Variants in MAEA observed in about 807,000 individuals in gnomAD.
The protein encoded by MAEA is E3 ubiquitin-protein transferase MAEA.
In MAEA, 22 loss-of-function variants were observed where a neutral mutation model predicts 46.2. The ratio of observed to expected loss-of-function variants is 0.48; its 90% confidence interval spans 0.34 to 0.68. The LOEUF is 0.68. MAEA is among the 30% of genes least tolerant of loss of function. MAEA has a pLI of 0.01. For synonymous variants in MAEA, 246 were observed against 222.6 expected, an observed-to-expected ratio of 1.11 and a Z score of -0.94; for missense variants, 393 against 558.1, an observed-to-expected ratio of 0.70 and a Z score of 2.98.
chr4:1,337,085 T>C, intron 7 of MAEA, 91 bp downstream of exon 7: 3 of 1,474,482 alleles, frequency 2.0e-6, no homozygotes, highest in Non-Finnish European at 2.8e-6. Flanking sequence ...TTGCCACTCT[T>C]GTCCTCCCAC....
chr4:1,304,730 C>T (rs971165769), intron 1 of MAEA, among the ~76,000 whole-genome samples: 5 of 152,296 alleles, frequency 3.3e-5, no homozygotes, highest in East Asian at 3.9e-4. Flanking sequence ...TGAACCACCA[C>T]GCCCGGCCCC....
chr4:1,328,436 A>G lies in MAEA; in HGVS notation c.656+733A>G, dbSNP rs764144640. On this transcript the variant is annotated intron_variant, in intron 5 of 8. Coordinates refer to ENST00000303400, the MANE Select transcript of MAEA (RefSeq NM_001017405.3). The stretch of plus-strand genomic sequence containing the variant: ...CGTCTCGGGGCAGGGCTGCTCCTTG[A>G]GTGCTAGGTCGTCTCACTCACTTTC... 1.3e-3 allele frequency among the ~76,000 whole-genome samples: 196 copies of G among 152,180 alleles called. 7 individuals carry two copies. Among genetic ancestry groups the G allele is most frequent in the Non-Finnish European group, 4.3e-4 (29 of 68,020 alleles).
chr4:1,297,544 G>A (rs1332479008), intron 1 of MAEA, among the ~76,000 whole-genome samples: 1 of 151,990 alleles, frequency 6.6e-6, no homozygotes, highest in South Asian at 2.1e-4. Context: ...ATTAGGATGT[G>A]GTTCCTTTTG....
chr4:1,305,284 C>T (rs562711177), intron 1 of MAEA, among the ~76,000 whole-genome samples: 27 of 152,166 alleles, frequency 1.8e-4, no homozygotes, highest in Admixed American at 4.6e-4. Flanking sequence ...TGTGGAAAGC[C>T]GCTGCACTAG....
Position 1,322,492 on chromosome 4 carries a change from C to T in MAEA, c.568C>T (p.Arg190Trp). 1.2e-6 allele frequency: 2 copies of T among 1,613,720 alleles called. No homozygotes were observed. Among genetic ancestry groups the T allele is most frequent in the African/African-American group, 1.3e-5 (1 of 75,042 alleles). Reference protein sequence around the residue: ...AWCHDNKSRLRKMKSCLEFSL... With the variant: ...AWCHDNKSRLWKMKSCLEFSL... ...GTGCCATGACAACAAGTCCCGGCTC[C>T]GGAAGATGAAGGTGCACGGACTCCC... is the stretch of plus-strand genomic sequence containing the variant. Residue 190 changes from arginine (R) to tryptophan (W), a missense_variant, in exon 4 of 9, where the codon CGG (arginine) becomes TGG (tryptophan). This residue lies in a region of MAEA where 358 missense variants were observed against 537.9 expected (regional missense o/e 0.67). Coordinates refer to ENST00000303400, the MANE Select transcript of MAEA (RefSeq NM_001017405.3).
At position 1,307,762 on chromosome 4, in the gene MAEA, G is replaced by GC. The variant is rs1309526923; in HGVS notation, c.70-4215dup. Reference sequence around the variant, plus strand: ...AGGCCAGAGACCCTGGAGTTCTGATGCCAAAGGGCAGGATCCCAGCTCCAG... The same window carrying GC: ...AGGCCAGAGACCCTGGAGTTCTGATGCCCAAAGGGCAGGATCCCAGCTCCAG... On this transcript the variant is annotated intron_variant, in intron 1 of 8. Transcript: ENST00000303400. Among the ~76,000 whole-genome samples, 5 of 152,308 alleles carry GC rather than the reference G, an allele frequency of 3.3e-5. No homozygotes were observed. In the South Asian group the frequency reaches 1.0e-3, roughly 32 times the overall value.
chr4:1,329,746 G>GT, intron 5 of MAEA: 1 of 985,720 alleles, frequency 1.0e-6, no homozygotes, highest in Non-Finnish European at 1.2e-6. Context: ...GGGTGAGGGA[G>GT]TGCGGGTGTT....
At chr4:1,338,304 C>A in intron 7 of MAEA, 118 bp from the exon 8 acceptor site, 1 of 761,880 alleles carries the variant, frequency 1.3e-6, no homozygotes, top group South Asian at 1.8e-5. Context: ...CCCGTGTAGT[C>A]AGCATGGCGC....
At position 1,328,723 on chromosome 4, in the gene MAEA, C is replaced by T. The variant is rs771078065; in HGVS notation, c.656+1020C>T. ...TGCTGAGGGTGGTCCCCAAGACGCA[C>T]GGCAGAACCGCGGCAAGTCCCTGCC... On this transcript the variant is annotated intron_variant, in intron 5 of 8. Transcript: ENST00000303400. 1.8e-5 allele frequency: 22 copies of T among 1,247,414 alleles called. No individual in the cohort carries two copies. In the Middle Eastern group the frequency reaches 1.3e-3, roughly 76 times the overall value. 77.3% of individuals were successfully genotyped at this position (1,247,414 alleles called of 1,614,324 possible). A position where few individuals can be genotyped will look rare whatever the true frequency, so the allele number is the denominator to read the frequency against.
At chr4:1,297,880 G>T in intron 1 of MAEA, 1 of 415,348 alleles carries the variant, frequency 2.4e-6, no homozygotes, top group Non-Finnish European at 5.0e-6. Flanking sequence ...AGCCTCTTGC[G>T]TTTCCTTTCT....
intron 1 of MAEA, among the ~76,000 whole-genome samples, chr4:1,291,086 C>T (rs1319990167): frequency 6.6e-6 from 1 of 152,182 alleles, no homozygotes; most frequent in East Asian, 1.9e-4. Flanking sequence ...CTGCTGAAGT[C>T]AGGCTGTACC....
chr4:1,309,517 GA>G (rs1736201189), intron 1 of MAEA: 16 of 1,357,466 alleles, frequency 1.2e-5, no homozygotes, highest in South Asian at 1.7e-5. Flanking sequence ...GCTGGAGGGA[GA>G]GGGGGTGCTG....
chr4:1,332,784 A>G lies in MAEA; in HGVS notation c.684A>G (p.Ala228=), dbSNP rs1230062094. Residue 228 remains alanine (A), a synonymous_variant, in exon 6 of 9, where the codon GCA becomes GCG. Transcript: ENST00000303400. ...VRHARKHFSQ[A]EGSQLDEVRQ... is the part of the protein sequence containing the mutation. ...ATGCAAGAAAGCACTTCAGCCAAGC[A>G]GAAGGGAGCCAGCTGGACGAGGTGC... 1.2e-6 allele frequency: 2 copies of G among 1,613,214 alleles called. No individual in the cohort carries two copies. The highest frequency in any genetic ancestry group is 2.7e-5 in the African/African-American group (2 of 75,030).
intron 1 of MAEA, among the ~76,000 whole-genome samples, chr4:1,305,587 C>A (rs1219348526): frequency 6.6e-6 from 1 of 152,138 alleles, no homozygotes; most frequent in Non-Finnish European, 1.5e-5. Flanking sequence ...CCAGAAGGAT[C>A]ATCAGAACTG....
At position 1,334,170 on chromosome 4, in the gene MAEA, AC is replaced by A. The variant is rs1272802953; in HGVS notation, c.765+1309del. 2.0e-3 allele frequency among the ~76,000 whole-genome samples: 143 copies of A among 72,394 alleles called. 25 individuals carry two copies. The highest frequency in any genetic ancestry group is 6.5e-3 in the African/African-American group (134 of 20,480). The allele number at this position is 72,394 out of a possible 152,430, so 47.5% of individuals were successfully genotyped here. ...CACCCCTGCATCCACCCCCATGCCC[AC>A]CCCTGTGCTCATCACACTGGGAACA... On this transcript the variant is annotated intron_variant, in intron 6 of 8. Coordinates refer to ENST00000303400, the MANE Select transcript of MAEA (RefSeq NM_001017405.3).
At chr4:1,336,680 G>C (rs768384858) in intron 6 of MAEA, among the ~76,000 whole-genome samples, 181 bp from the exon 7 acceptor site, 6 of 152,242 alleles carry the variant, frequency 3.9e-5, no homozygotes, top group Non-Finnish European at 8.8e-5. Context: ...TCATCCCACT[G>C]TGTGTATCAG....
chr4:1,300,603 G>C (rs1326571818), intron 1 of MAEA, among the ~76,000 whole-genome samples: 1 of 152,262 alleles, frequency 6.6e-6, no homozygotes, highest in Non-Finnish European at 1.5e-5. Context: ...GGCTTCCGAG[G>C]CTGGGGCTGC....
intron 3 of MAEA, 38 bp from the exon 4 acceptor site, chr4:1,322,343 C>G (rs141643048): frequency 4.3e-6 from 7 of 1,609,424 alleles, no homozygotes; most frequent in Non-Finnish European, 5.9e-6. Flanking sequence ...GGCCTTGAGC[C>G]AGCACATTCT....
In MAEA at chr4:1,333,425, C is replaced by A. The variant is rs546736546; in HGVS notation, c.765+560C>A. Among the ~76,000 whole-genome samples the A allele has an allele frequency of 2.6e-5, 4 of 152,256 alleles. No individual in the cohort carries two copies. The East Asian group carries it at 5.8e-4, about 22-fold the overall frequency. ...CCGGGGCCCAGCTTCCTTGCCTGTCCCCCTGGTTCTCCTTTCTCTACAGCC... is the reference window on the plus strand; with the variant it reads ...CCGGGGCCCAGCTTCCTTGCCTGTCACCCTGGTTCTCCTTTCTCTACAGCC... On this transcript the variant is annotated intron_variant, in intron 6 of 8. Coordinates refer to ENST00000303400, the MANE Select transcript of MAEA (RefSeq NM_001017405.3).
Sources: allele counts gnomAD v4.1 joint callset (sites outside exome capture counted in the v4.1 genomes callset), GRCh38; gene constraint gnomAD v4.1.1; regional missense constraint gnomAD v4.1.1; transcripts MANE v1.5; gene names NCBI Gene and HGNC (gene_info 2026-07-23, HGNC 2026-07-21).